Variants in UBN1 observed in about 807,000 individuals in gnomAD.
UBN1 encodes ubinuclein 1.
A neutral mutation model predicts 108.5 loss-of-function variants in UBN1; 17 were observed. The observed-to-expected ratio is 0.16, with a 90% CI of 0.11 to 0.24. UBN1 has a LOEUF of 0.24. Among genes scored for constraint, UBN1 ranks in the 10% least tolerant of loss-of-function variants. The pLI is 1.00. For missense variants in UBN1, 1,595 were observed against 1,394.4 expected (o/e 1.14, Z -2.29); for synonymous variants, 726 against 564.2 (o/e 1.29, Z -4.07).
chr16:4,881,382 C>T lies in UBN1; in HGVS notation c.*1250C>T, dbSNP rs1053065683. 6 of 152,258 alleles carry T rather than the reference C, an allele frequency of 3.9e-5. No individual in the cohort carries two copies. Among genetic ancestry groups the T allele is most frequent in the African/African-American group, 1.4e-4 (6 of 41,432 alleles). 9.4% of individuals were successfully genotyped at this position (152,258 alleles called of 1,614,324 possible). ...GACTAGGACAGTTACTGCAGAGCTC[C>T]TAAGTCACCACTCAACCAGTGGCTG... On this transcript the variant is annotated 3_prime_UTR_variant, in exon 18 of 18. Transcript: ENST00000262376.
rs1477256629 is a variant in UBN1, at chr16:4,877,026, T to C, written c.3180T>C (p.Ala1060=). Reference sequence around the variant, plus strand: ...CTGTCCATGTGCTCTCCTTCAGCGCTGACTCCTCTGCCAAAGCAGGGGTCT... The same window carrying C: ...CTGTCCATGTGCTCTCCTTCAGCGCCGACTCCTCTGCCAAAGCAGGGGTCT... ...PIPVHVLSFS[A]DSSAKAGVSK... The change falls in exon 16 of 18, where the codon GCT becomes GCC. Residue 1060 remains alanine (A), a synonymous_variant. Transcript: ENST00000262376. This position sits in a 1 kb window ranked among gnomAD's most constrained non-coding sequence, Gnocchi z 4.3. 1 of 1,614,250 alleles carries C rather than the reference T, an allele frequency of 6.2e-7. No individual in the cohort carries two copies. The highest frequency in any genetic ancestry group is 1.7e-5 in the Admixed American group (1 of 60,030).
chr16:4,868,637 T>TG (rs764894791), intron 7 of UBN1, among the ~76,000 whole-genome samples, 196 bp from the exon 8 acceptor site: 23 of 152,238 alleles, frequency 1.5e-4, no homozygotes, highest in Non-Finnish European at 3.4e-4. Context: ...AGCCCACAGA[T>TG]GCTGCAGCAG....
At chr16:4,854,375 A>T (rs763954812) in intron 2 of UBN1, among the ~76,000 whole-genome samples, 6 of 147,030 alleles carry the variant, frequency 4.1e-5, no homozygotes, top group Non-Finnish European at 6.0e-5. Context: ...ACCAAGTCTC[A>T]CTCTGTCACC....
intron 17 of UBN1, among the ~76,000 whole-genome samples, chr16:4,878,170 G>A (rs1259078397): frequency 6.6e-6 from 1 of 152,174 alleles, no homozygotes; most frequent in Non-Finnish European, 1.5e-5. Context: ...TGGTACCTTT[G>A]CATTGAGTGC....
At position 4,880,282 on chromosome 16, in the gene UBN1, A is replaced by G. The variant is rs2142307499; in HGVS notation, c.*150A>G. The G allele has an allele frequency of 2.3e-6, 2 of 877,664 alleles. No individual in the cohort carries two copies. The highest frequency in any genetic ancestry group is 6.8e-4 in the Middle Eastern group (2 of 2,960). The allele number at this position is 877,664 out of a possible 1,614,324, so 54.4% of individuals were successfully genotyped here. On this transcript the variant is annotated 3_prime_UTR_variant, in exon 18 of 18. Coordinates refer to ENST00000262376, the MANE Select transcript of UBN1 (RefSeq NM_001079514.3). ...AGCGGAGCGCTTCTCGGCACTTCTGATGTGCCTCCCATGGAGGGAGCCGGG... is the reference window on the plus strand; with the variant it reads ...AGCGGAGCGCTTCTCGGCACTTCTGGTGTGCCTCCCATGGAGGGAGCCGGG...
chr16:4,858,762 C>A, intron 4 of UBN1, 99 bp downstream of exon 4: 1 of 1,180,478 alleles, frequency 8.5e-7, no homozygotes, highest in Non-Finnish European at 1.2e-6. Flanking sequence ...CAGTCGTGCC[C>A]TCTTCCCAGC....
chr16:4,872,660 G>C (rs2087703958), intron 12 of UBN1, among the ~76,000 whole-genome samples: 1 of 152,018 alleles, frequency 6.6e-6, no homozygotes, highest in Admixed American at 6.6e-5. Flanking sequence ...GTAGAGACGG[G>C]GTTTCACCAT....
intron 2 of UBN1, among the ~76,000 whole-genome samples, chr16:4,854,340 T>TTTTGTTGTTG (rs1555511043): frequency 6.7e-6 from 1 of 148,418 alleles, no homozygotes; most frequent in African/African-American, 2.5e-5. Context: ...GCCTCTCTTT[T>TTTTGTTGTTG]TTGTTGTTGT....
chr16:4,866,573 C>T (rs938127278), intron 7 of UBN1, among the ~76,000 whole-genome samples: 1 of 152,192 alleles, frequency 6.6e-6, no homozygotes. Flanking sequence ...AGTGCAGTGG[C>T]ACGATCTTGC....
intron 2 of UBN1, among the ~76,000 whole-genome samples, chr16:4,855,065 G>A (rs2086738036): frequency 6.6e-6 from 1 of 152,170 alleles, no homozygotes. Context: ...TTTGCACTGT[G>A]CTAGGCTCTG....
Position 4,877,524 on chromosome 16 carries a change from C to T in UBN1, c.3355+50C>T. On this transcript the variant is annotated intron_variant, in intron 17 of 17. Coordinates refer to ENST00000262376, the MANE Select transcript of UBN1 (RefSeq NM_001079514.3). The surrounding 1 kb of genome is among the most constrained non-coding windows in gnomAD (Gnocchi z 4.3). The stretch of plus-strand genomic sequence containing the variant: ...CACGCGCACCGTGTGCCTTTGCCCT[C>T]TCCACCCCTAGGTGCTTTGCCGCTG... 6.5e-7 allele frequency: 1 copy of T among 1,546,642 alleles called. No homozygotes were observed. Among genetic ancestry groups the T allele is most frequent in the East Asian group, 2.3e-5 (1 of 42,640 alleles).
At chr16:4,853,543 G>A (rs998078587) in intron 2 of UBN1, among the ~76,000 whole-genome samples, 5 of 123,548 alleles carry the variant, frequency 4.0e-5, no homozygotes, top group Admixed American at 1.6e-4. Context: ...CACGTAGACT[G>A]CCTTTTTTTT....
At position 4,874,264 on chromosome 16, in the gene UBN1, T is replaced by C. The variant is rs778891793; in HGVS notation, c.1854T>C (p.Gly618=). The C allele has an allele frequency of 3.7e-6, 6 of 1,610,348 alleles. No individual in the cohort carries two copies. The Admixed American group carries it at 8.4e-5, about 23-fold the overall frequency. Residue 618 remains glycine, a synonymous_variant, in exon 15 of 18, where the codon GGT becomes GGC. Transcript: ENST00000262376. ...TTTCTGTCCCATCAGGACAGATTGGTGGCCCCATTGCTTTGCCCTCAGATC... is the reference window on the plus strand; with the variant it reads ...TTTCTGTCCCATCAGGACAGATTGGCGGCCCCATTGCTTTGCCCTCAGATC... ...KKVSVPSGQI[G]GPIALPSDHQ...
rs200265402 is a variant in UBN1 at position 4,870,617 on chromosome 16, G to A, written c.1413G>A (p.Thr471=). The change falls in exon 10 of 18, where the codon ACG becomes ACA. Residue 471 remains threonine, a synonymous_variant. Transcript: ENST00000262376. ...ACCAGGACGAATGCCAGGCACACAC[G>A]CAGGCAAAGGTTGCCAAGTAAGTTT... ...AKYQDECQAH[T]QAKVAKMLEE... 4.8e-5 allele frequency: 77 copies of A among 1,614,180 alleles called. No individual in the cohort carries two copies. Among genetic ancestry groups the A allele is most frequent in the African/African-American group, 2.0e-4 (15 of 75,064 alleles).
intron 6 of UBN1, 78 bp downstream of exon 6, chr16:4,860,046 C>T: frequency 6.4e-7 from 1 of 1,573,350 alleles, no homozygotes; most frequent in Non-Finnish European, 8.6e-7. Flanking sequence ...CTCACCTCCT[C>T]CCCACAGCTT....
At position 4,880,280 on chromosome 16, in the gene UBN1, T is replaced by A; in HGVS notation, c.*148T>A. On this transcript the variant is annotated 3_prime_UTR_variant, in exon 18 of 18. Coordinates refer to ENST00000262376, the MANE Select transcript of UBN1 (RefSeq NM_001079514.3). ...TCAGCGGAGCGCTTCTCGGCACTTC[T>A]GATGTGCCTCCCATGGAGGGAGCCG... 2.3e-6 allele frequency: 2 copies of A among 887,168 alleles called. No homozygotes were observed. Among genetic ancestry groups the A allele is most frequent in the Non-Finnish European group, 3.6e-6 (2 of 554,364 alleles). The allele number at this position is 887,168 out of a possible 1,614,324, so 55.0% of individuals were successfully genotyped here. A position where few individuals can be genotyped will look rare whatever the true frequency, so the allele number is the denominator to read the frequency against.
intron 10 of UBN1, 97 bp downstream of exon 10, chr16:4,870,731 G>T: frequency 2.5e-6 from 4 of 1,586,644 alleles, no homozygotes; most frequent in Non-Finnish European, 3.4e-6. Context: ...GGAGCCTCTT[G>T]GCTCTTCTTT....
chr16:4,863,775 A>G lies in UBN1; in HGVS notation c.1110+2673A>G, dbSNP rs1316311357. Among the ~76,000 whole-genome samples, 3 of 152,158 alleles carry G rather than the reference A, an allele frequency of 2.0e-5. No homozygotes were observed. The South Asian group carries it at 6.2e-4, about 31-fold the overall frequency. ...ACTCTGGGCCAACGCTCATGGCTGC[A>G]TTCAGCTGGCAAGTTGGCCAGGTGC... On this transcript the variant is annotated intron_variant, in intron 7 of 17. Transcript: ENST00000262376.
At chr16:4,868,162 G>A (rs763234245) in intron 7 of UBN1, among the ~76,000 whole-genome samples, 6 of 152,128 alleles carry the variant, frequency 3.9e-5, no homozygotes, top group Non-Finnish European at 7.4e-5. Context: ...CCGCTGTGTC[G>A]TGGCTGCCTG....
Sources: allele counts gnomAD v4.1 joint callset (sites outside exome capture counted in the v4.1 genomes callset), GRCh38; gene constraint gnomAD v4.1.1; non-coding constraint Gnocchi (gnomAD v3.1); transcripts MANE v1.5; gene names NCBI Gene and HGNC (gene_info 2026-07-23, HGNC 2026-07-21).